RADIL: variants seen among roughly 807,000 people sequenced by gnomAD.
RADIL encodes the protein ras-associating and dilute domain-containing protein.
Under a neutral mutation model 97.6 loss-of-function variants are expected in RADIL, and 99 were observed. That is an observed-to-expected ratio of 1.01 (90% CI 0.86 to 1.20). The LOEUF is 1.20. Among genes scored for constraint, RADIL ranks in the 50% most tolerant of loss-of-function variants. RADIL has a pLI of 0.00. For missense variants in RADIL, 1,765 were observed against 1,498.9 expected, an observed-to-expected ratio of 1.18 and a Z score of -2.93; for synonymous variants, 803 against 691.8, an observed-to-expected ratio of 1.16 and a Z score of -2.52.
intron 2 of RADIL, among the ~76,000 whole-genome samples, chr7:4,839,922 T>A (rs1487050938): frequency 6.6e-6 from 1 of 152,130 alleles, no homozygotes; most frequent in African/African-American, 2.4e-5. Context: ...AATTTTTTTA[T>A]CTTTAGATTA....
At chr7:4,861,620 A>G (rs1447972029) in intron 2 of RADIL, 3 of 1,611,870 alleles carry the variant, frequency 1.9e-6, no homozygotes, top group Non-Finnish European at 2.5e-6. Flanking sequence ...TTCCAAAACT[A>G]AAATCCTGCG....
At position 4,821,371 on chromosome 7, in the gene RADIL, C is replaced by G. The variant is rs749313553; in HGVS notation, c.1615+1023G>C. Among the ~76,000 whole-genome samples the G allele has an allele frequency of 2.6e-5, 4 of 152,188 alleles. No homozygotes were observed. Among genetic ancestry groups the G allele is most frequent in the Admixed American group, 2.0e-4 (3 of 15,274 alleles). The stretch of plus-strand genomic sequence containing the variant: ...TCCCTGGGCCGGCTCCTCACTTCCG[C>G]AGCACAGCAGCACAGTCCTGCTGCC... On this transcript the variant is annotated intron_variant, in intron 6 of 14. Transcript: ENST00000399583. The surrounding 1 kb of genome is among the most constrained non-coding windows in gnomAD (Gnocchi z 5.2).
intron 12 of RADIL, 109 bp downstream of exon 12, chr7:4,801,544 A>G: frequency 8.4e-7 from 1 of 1,196,946 alleles, no homozygotes; most frequent in Non-Finnish European, 1.2e-6. Flanking sequence ...TCTGTGGGGC[A>G]GGTAAGGAAA....
At chr7:4,853,698 C>T (rs542866230) in intron 2 of RADIL, among the ~76,000 whole-genome samples, 2 of 147,658 alleles carry the variant, frequency 1.4e-5, no homozygotes, top group Admixed American at 6.8e-5. Flanking sequence ...GCCGAGATCA[C>T]GCCACTGCAC....
Position 4,834,560 on chromosome 7 carries a change from C to A in RADIL, c.1416+47G>T, listed in dbSNP as rs1431701442. On this transcript the variant is annotated intron_variant, in intron 4 of 14. Coordinates refer to ENST00000399583, the MANE Select transcript of RADIL (RefSeq NM_018059.5). The surrounding 1 kb of genome is among the most constrained non-coding windows in gnomAD (Gnocchi z 6.0). ...CGGGGCCAGCTCCGGGCCCCCTCTTCCCCCAGACCGGCACAGGACCCAGAC... is the reference window on the plus strand; with the variant it reads ...CGGGGCCAGCTCCGGGCCCCCTCTTACCCCAGACCGGCACAGGACCCAGAC... 2 of 1,300,642 alleles carry A rather than the reference C, an allele frequency of 1.5e-6. No individual in the cohort carries two copies. Among genetic ancestry groups the A allele is most frequent in the South Asian group, 3.2e-5 (1 of 30,820 alleles). 80.6% of individuals were successfully genotyped at this position (1,300,642 alleles called of 1,614,324 possible).
intron 2 of RADIL, among the ~76,000 whole-genome samples, chr7:4,864,233 T>C (rs146177271): frequency 2.6e-5 from 4 of 152,318 alleles, no homozygotes; most frequent in Non-Finnish European, 5.9e-5. Context: ...GGTAGCTTCA[T>C]CTTGGCCTCT....
Position 4,835,010 on chromosome 7 carries a change from A to T in RADIL, c.1013T>A (p.Val338Glu). 1.2e-6 allele frequency: 2 copies of T among 1,611,590 alleles called. No individual in the cohort carries two copies. Among genetic ancestry groups the T allele is most frequent in the Non-Finnish European group, 1.7e-6 (2 of 1,179,384 alleles). Residue 338 changes from valine to glutamate, a missense_variant, in exon 4 of 15, where the codon GTG becomes GAG. By Grantham distance (121) the Val-to-Glu change is moderately radical (BLOSUM62 -2). Coordinates refer to ENST00000399583, the MANE Select transcript of RADIL (RefSeq NM_018059.5). The surrounding 1 kb of genome is among the most constrained non-coding windows in gnomAD (Gnocchi z 5.8). ...GGAGAGCAGGTCCCCGTGGTGCAGCACCACGGTCCTGTGCCCCACCTCGGA... is the reference window on the plus strand; with the variant it reads ...GGAGAGCAGGTCCCCGTGGTGCAGCTCCACGGTCCTGTGCCCCACCTCGGA... The part of the protein sequence containing the change: ...NFSEVGHRTV[V>E]LHHGDLLSLG...
chr7:4,855,663 T>C (rs1318897271), intron 2 of RADIL, among the ~76,000 whole-genome samples: 1 of 148,522 alleles, frequency 6.7e-6, no homozygotes, highest in Non-Finnish European at 1.5e-5. Flanking sequence ...GCCTCTCTGG[T>C]CTCATATTGT....
rs779701187 is a variant in RADIL, at chr7:4,835,055, G to C, written c.968C>G (p.Ala323Gly). 6.2e-7 allele frequency: 1 copy of C among 1,608,398 alleles called. No homozygotes were observed. The highest frequency in any genetic ancestry group is 1.7e-5 in the Admixed American group (1 of 59,544). Residue 323 changes from alanine (A) to glycine (G), a missense_variant, in exon 4 of 15, where the codon GCG becomes GGG. Transcript: ENST00000399583. The surrounding 1 kb of genome is among the most constrained non-coding windows in gnomAD (Gnocchi z 5.8). The part of the protein sequence containing the change: ...GRLVLEPIPG[A>G]HISVNFSEVG... ...CTCGGAGAAGTTGACGGAGATGTGCGCCCCGGGGATGGGCTCCAGGACCAG... is the reference window on the plus strand; with the variant it reads ...CTCGGAGAAGTTGACGGAGATGTGCCCCCCGGGGATGGGCTCCAGGACCAG...
chr7:4,820,761 T>G (rs1011775960), intron 6 of RADIL, among the ~76,000 whole-genome samples: 1 of 152,114 alleles, frequency 6.6e-6, no homozygotes, highest in South Asian at 2.1e-4. Context: ...CCACGCGCCC[T>G]CAGTCCAGCC....
intron 5 of RADIL, among the ~76,000 whole-genome samples, chr7:4,827,416 T>C (rs572686045): frequency 6.6e-6 from 1 of 150,382 alleles, no homozygotes; most frequent in African/African-American, 2.4e-5. Flanking sequence ...TCCCAGCACT[T>C]TGGGAGGCCG....
chr7:4,870,837 G>A (rs1034573821), intron 2 of RADIL, among the ~76,000 whole-genome samples: 6 of 152,154 alleles, frequency 3.9e-5, no homozygotes, highest in Non-Finnish European at 5.9e-5. Context: ...CTTATGGAAC[G>A]TAGCTGGACG....
chr7:4,861,830 C>G, intron 2 of RADIL: 6 of 1,270,224 alleles, frequency 4.7e-6, no homozygotes, highest in African/African-American at 2.7e-5. Context: ...CCCGCCCCGC[C>G]AGGGCACGTC....
intron 1 of RADIL, among the ~76,000 whole-genome samples, chr7:4,881,854 T>TA (rs1784494963): frequency 6.6e-6 from 1 of 152,124 alleles, no homozygotes; most frequent in Admixed American, 6.5e-5. Context: ...TCTTCTTTAA[T>TA]AAAAAACAAA....
intron 2 of RADIL, chr7:4,861,848 A>ACCGCGACCTTCACGTCCCCCACCC: frequency 9.4e-6 from 13 of 1,385,170 alleles, no homozygotes; most frequent in Non-Finnish European, 1.2e-5. Flanking sequence ...GTCCCCCACC[A>ACCGCGACCTTCACGTCCCCCACCC]CCGCGACCTT....
chr7:4,809,330 A>G, intron 9 of RADIL: 1 of 985,316 alleles, frequency 1.0e-6, no homozygotes, highest in Middle Eastern at 5.2e-4. Context: ...CCTAGCCAGG[A>G]GAAGTCCTGT....
Position 4,817,444 on chromosome 7 carries a change from G to A in RADIL, c.1616-93C>T, listed in dbSNP as rs1213032939. 5.2e-6 allele frequency: 6 copies of A among 1,148,818 alleles called. No homozygotes were observed. The highest frequency in any genetic ancestry group is 2.2e-5 in the Admixed American group (1 of 46,288). The allele number at this position is 1,148,818 out of a possible 1,614,324, so 71.2% of individuals were successfully genotyped here. On this transcript the variant is annotated intron_variant, in intron 6 of 14. Transcript: ENST00000399583. The surrounding 1 kb of genome is among the most constrained non-coding windows in gnomAD (Gnocchi z 8.3). Reference sequence around the variant, plus strand: ...GCCGCCAGCTCTTTCCCTGGCGCGGGCACCACCCAACGCGCCCATCTGGGG... The same window carrying A: ...GCCGCCAGCTCTTTCCCTGGCGCGGACACCACCCAACGCGCCCATCTGGGG...
At chr7:4,823,715 C>G (rs1782898021) in intron 5 of RADIL, among the ~76,000 whole-genome samples, 1 of 152,214 alleles carries the variant, frequency 6.6e-6, no homozygotes, top group African/African-American at 2.4e-5. Context: ...AACCCTTTCT[C>G]CCACATCTCT....
rs1178856836 is a variant in RADIL at position 4,813,622 on chromosome 7, C to A, written c.2139+1656G>T. Among the ~76,000 whole-genome samples the A allele has an allele frequency of 6.6e-6, 1 of 152,244 alleles. No individual in the cohort carries two copies. Among genetic ancestry groups the A allele is most frequent in the Non-Finnish European group, 1.5e-5 (1 of 68,040 alleles). The stretch of plus-strand genomic sequence containing the variant: ...CTCAGCCTCACACCGTCACCTGCTC[C>A]CAGGACAGCAAATGTCCCCAGGGAA... On this transcript the variant is annotated intron_variant, in intron 9 of 14. Coordinates refer to ENST00000399583, the MANE Select transcript of RADIL (RefSeq NM_018059.5). This position sits in a 1 kb window ranked among gnomAD's most constrained non-coding sequence, Gnocchi z 5.0.
Sources: gnomAD v4.1 joint callset for allele counts (sites outside exome capture counted in the v4.1 genomes callset) on GRCh38, gnomAD v4.1.1 for gene constraint, Gnocchi (gnomAD v3.1) non-coding constraint, MANE v1.5 for transcripts, NCBI Gene and HGNC (gene_info 2026-07-23, HGNC 2026-07-21) for gene names.